The following MMD2 variants were observed in gnomAD, a reference collection of about 807,000 sequenced individuals.
MMD2 encodes the protein monocyte to macrophage differentiation factor 2.
A neutral mutation model predicts 33.5 loss-of-function variants in MMD2; 30 were observed. The observed-to-expected ratio is 0.90, with a 90% CI of 0.67 to 1.22. MMD2 has a LOEUF of 1.22. Ranked by LOEUF, MMD2 falls within the 50% of genes most tolerant of loss-of-function variation. The probability of loss-of-function intolerance (pLI) is 0.00; values close to 1 mark genes in which losing one functional copy is unlikely to be tolerated. For missense variants in MMD2, 364 were observed against 325.4 expected (o/e 1.12, Z -0.91); for synonymous variants, 129 against 123.0 (o/e 1.05, Z -0.32).
chr7:4,907,505 GC>G lies in MMD2; in HGVS notation c.631del (p.Ala211ProfsTer9), dbSNP rs769827863. 7.4e-6 allele frequency: 12 copies of G among 1,613,764 alleles called. No individual in the cohort carries two copies. In the Admixed American group the frequency reaches 1.0e-4, roughly 13 times the overall value. On this transcript the variant is annotated frameshift_variant, in exon 7 of 7. Coordinates refer to ENST00000401401, the MANE Select transcript of MMD2 (RefSeq NM_198403.4). LOFTEE classifies it high-confidence loss of function. ...FFKSDGRIPF[A>X]HAIWHLFVAF... ...TACAAAGAGATGCCAGATGGCGTGG[GC>G]AAAGGGGATCCTCCCGTCACTCTTG...
chr7:4,948,664 G>C (rs561506239), intron 1 of MMD2, among the ~76,000 whole-genome samples: 1 of 152,300 alleles, frequency 6.6e-6, no homozygotes, highest in African/African-American at 2.4e-5. Context: ...TAGAAGAAGA[G>C]GCCAGAGAGC....
At position 4,958,981 on chromosome 7, in the gene MMD2, T is replaced by C; in HGVS notation, c.37A>G (p.Lys13Glu). ...GCGGCCGCCGCTCACCTCGCGTATT[T>C]CGTCTTCTGGAAATCCAGCAGCCGG... ...APRLLDFQKT[K>E]YARFMNHRVP... Residue 13 changes from lysine to glutamate, a missense_variant, in exon 1 of 7, where the codon AAA becomes GAA. Lys to Glu is a moderately conservative substitution (Grantham distance 56). Coordinates refer to ENST00000401401, the MANE Select transcript of MMD2 (RefSeq NM_198403.4). The C allele has an allele frequency of 7.8e-7, 1 of 1,288,436 alleles. No homozygotes were observed. The allele number at this position is 1,288,436 out of a possible 1,614,324, so 79.8% of individuals were successfully genotyped here.
rs1167149478 is a variant in MMD2, at chr7:4,907,429, C to A, written c.708G>T (p.Leu236=). The A allele has an allele frequency of 1.9e-6, 3 of 1,613,798 alleles. No individual in the cohort carries two copies. The highest frequency in any genetic ancestry group is 2.7e-5 in the African/African-American group (2 of 74,936). ...HYYAIWRYLY[L]PSTLQTKVSK is the part of the protein sequence containing the mutation. ...ACACCTTGGTCTGCAGGGTGCTGGG[C>A]AGATAGAGGTACCTCCAGATGGCAT... is the stretch of plus-strand genomic sequence containing the variant. Residue 236 remains leucine (L), a synonymous_variant, in exon 7 of 7, where the codon CTG becomes CTT. Coordinates refer to ENST00000401401, the MANE Select transcript of MMD2 (RefSeq NM_198403.4).
the MMD2 span, among the ~76,000 whole-genome samples, chr7:4,897,303 C>A: frequency 6.7e-6 from 1 of 149,820 alleles, no homozygotes. Context: ...TCTTTCTACT[C>A]CATTGGAAAC....
chr7:4,894,339 T>C, the MMD2 span, among the ~76,000 whole-genome samples: 1 of 152,206 alleles, frequency 6.6e-6, no homozygotes, highest in Non-Finnish European at 1.5e-5. This position sits in a 1 kb window ranked among gnomAD's most constrained non-coding sequence, Gnocchi z 4.3. Context: ...GTCTTTTCAG[T>C]TATTTCTGAT....
intron 1 of MMD2, among the ~76,000 whole-genome samples, chr7:4,951,124 C>T (rs1786231378): frequency 6.6e-6 from 1 of 152,046 alleles, no homozygotes; most frequent in African/African-American, 2.4e-5. Flanking sequence ...GAAGGGCAGC[C>T]CCAACCCCAT....
chr7:4,907,095 AT>A lies in MMD2; in HGVS notation c.*300del. 1 of 361,540 alleles carries A rather than the reference AT, an allele frequency of 2.8e-6. No individual in the cohort carries two copies. Among genetic ancestry groups the A allele is most frequent in the Non-Finnish European group, 5.1e-6 (1 of 195,644 alleles). The allele number at this position is 361,540 out of a possible 1,614,324, so 22.4% of individuals were successfully genotyped here. ...ACACAGATTGGCCCGTCATTCCCCA[AT>A]TTTCCAGGACCATGCCTGCTTCCTT... On this transcript the variant is annotated 3_prime_UTR_variant, in exon 7 of 7. Coordinates refer to ENST00000401401, the MANE Select transcript of MMD2 (RefSeq NM_198403.4).
chr7:4,896,920 C>A, the MMD2 span, among the ~76,000 whole-genome samples: 2 of 151,760 alleles, frequency 1.3e-5, no homozygotes, highest in African/African-American at 4.8e-5. Context: ...AGTGTAGTGG[C>A]CCAGTCTCAG....
At chr7:4,957,441 G>C (rs926574677) in intron 1 of MMD2, among the ~76,000 whole-genome samples, 1 of 148,406 alleles carries the variant, frequency 6.7e-6, no homozygotes, top group Non-Finnish European at 1.5e-5. Context: ...GACGTCAAGA[G>C]ATTGAGACCA....
intron 4 of MMD2, among the ~76,000 whole-genome samples, chr7:4,914,895 C>T (rs1040755453): frequency 6.6e-6 from 1 of 152,296 alleles, no homozygotes; most frequent in South Asian, 2.1e-4. Flanking sequence ...CATGCCACTG[C>T]ACTCCAGCCT....
At chr7:4,953,904 G>A (rs1216828410) in intron 1 of MMD2, among the ~76,000 whole-genome samples, 1 of 152,044 alleles carries the variant, frequency 6.6e-6, no homozygotes, top group African/African-American at 2.4e-5. Context: ...TATCACCCAG[G>A]CTTGAGTGCA....
At position 4,915,119 on chromosome 7, in the gene MMD2, A is replaced by G. The variant is rs116315992; in HGVS notation, c.365+886T>C. 3.1e-3 allele frequency among the ~76,000 whole-genome samples: 464 copies of G among 152,008 alleles called. 3 individuals are homozygous for G. Among genetic ancestry groups the G allele is most frequent in the African/African-American group, 0.011 (448 of 41,466 alleles). ...GAGACCCATCTCTACAAAAATAAAA[A>G]TATTAGCCAAGCATGGTGGCTTGCA... On this transcript the variant is annotated intron_variant, in intron 4 of 6. Transcript: ENST00000401401.
chr7:4,939,331 G>C (rs1193254907), intron 1 of MMD2, among the ~76,000 whole-genome samples: 5 of 152,050 alleles, frequency 3.3e-5, no homozygotes, highest in Non-Finnish European at 7.4e-5. Context: ...TTGAGGCCAG[G>C]AGTTCAAGAC....
At chr7:4,929,902 A>T (rs923346081) in intron 1 of MMD2, among the ~76,000 whole-genome samples, 1 of 152,116 alleles carries the variant, frequency 6.6e-6, no homozygotes, top group Admixed American at 6.6e-5. Context: ...GCATTCACAC[A>T]TCGAAGCCCT....
intron 1 of MMD2, 46 bp from the exon 2 acceptor site, chr7:4,925,578 T>C: frequency 6.9e-7 from 1 of 1,454,352 alleles, no homozygotes; most frequent in Non-Finnish European, 9.3e-7. Context: ...GGGCAAGAGG[T>C]GCCATCCGAA....
chr7:4,933,540 C>T (rs1485077683), intron 1 of MMD2, among the ~76,000 whole-genome samples: 1 of 151,720 alleles, frequency 6.6e-6, no homozygotes. Context: ...GATTCCTCCT[C>T]CCTGGTGTTG....
chr7:4,950,122 T>C (rs1786201364), intron 1 of MMD2, among the ~76,000 whole-genome samples: 1 of 151,746 alleles, frequency 6.6e-6, no homozygotes, highest in Non-Finnish European at 1.5e-5. Flanking sequence ...GTGTGAGAGA[T>C]GGAGTCTCAC....
the MMD2 span, among the ~76,000 whole-genome samples, chr7:4,900,879 C>T: frequency 6.6e-6 from 1 of 152,160 alleles, no homozygotes; most frequent in Non-Finnish European, 1.5e-5. Context: ...GTGGCTCACA[C>T]CTGTAATCCC....
chr7:4,950,194 G>T (rs1786203178), intron 1 of MMD2, among the ~76,000 whole-genome samples: 1 of 151,862 alleles, frequency 6.6e-6, no homozygotes, highest in Admixed American at 6.6e-5. Flanking sequence ...CACCTCCTGG[G>T]TTCAAGCGAT....
Sources: allele counts gnomAD v4.1 joint callset (sites outside exome capture counted in the v4.1 genomes callset), GRCh38; gene constraint gnomAD v4.1.1; non-coding constraint Gnocchi (gnomAD v3.1); transcripts MANE v1.5; gene names NCBI Gene and HGNC (gene_info 2026-07-23, HGNC 2026-07-21).